The following SETD6 variants were observed in gnomAD, a reference collection of about 807,000 sequenced individuals.
The protein encoded by SETD6 is SET domain containing 6, protein lysine methyltransferase.
SETD6 carries 67 observed loss-of-function variants against 52.7 expected under a neutral mutation model. That is an observed-to-expected ratio of 1.27 (90% CI 1.04 to 1.56). SETD6 has a LOEUF of 1.56. SETD6 is among the 40% of genes most tolerant of loss of function. SETD6 has a pLI of 0.00. For synonymous variants in SETD6, 307 were observed against 250.2 expected (o/e 1.23, Z -2.14); for missense variants, 712 against 607.5 (o/e 1.17, Z -1.81).
chr16:58,516,602 G>C lies in SETD6; in HGVS notation c.601G>C (p.Asp201His), dbSNP rs746116272. The C allele has an allele frequency of 1.5e-5, 24 of 1,614,160 alleles. No individual in the cohort carries two copies. Among genetic ancestry groups the C allele is most frequent in the Non-Finnish European group, 2.0e-5 (24 of 1,180,024 alleles). ...GCTGCCCTTCATGGAAGCCCACCCC[G>C]ATCTCTTCAGCCTCAGGGTTCGCTC... ...IVLPFMEAHP[D>H]LFSLRVRSLE... The change falls in exon 4 of 8, where the codon GAT becomes CAT. Residue 201 changes from aspartate to histidine, a missense_variant. Asp to His is a moderately conservative substitution (Grantham distance 81, BLOSUM62 -1). Coordinates refer to ENST00000219315, the MANE Select transcript of SETD6 (RefSeq NM_001160305.4).
At position 58,518,937 on chromosome 16, in the gene SETD6, T is replaced by C. The variant is rs2039269040; in HGVS notation, c.1330T>C (p.Tyr444His). 6.2e-7 allele frequency: 1 copy of C among 1,614,096 alleles called. No homozygotes were observed. The highest frequency in any genetic ancestry group is 8.5e-7 in the Non-Finnish European group (1 of 1,180,044). The change falls in exon 8 of 8, where the codon TAT (tyrosine) becomes CAT (histidine). Residue 444 changes from tyrosine to histidine, a missense_variant. Transcript: ENST00000219315. ...DQGLLSNKEV[Y>H]AKLSWREQQA... ...AGGTTTACTCAGTAATAAGGAAGTCTATGCGAAACTCAGCTGGAGGGAACA... is the reference window on the plus strand; with the variant it reads ...AGGTTTACTCAGTAATAAGGAAGTCCATGCGAAACTCAGCTGGAGGGAACA...
rs145387142 is a variant in SETD6 at position 58,518,825 on chromosome 16, C to T, written c.1218C>T (p.Pro406=). The T allele has an allele frequency of 1.6e-5, 26 of 1,614,058 alleles. No homozygotes were observed. Among genetic ancestry groups the T allele is most frequent in the Non-Finnish European group, 2.1e-5 (25 of 1,180,050 alleles). The change falls in exon 8 of 8, where the codon CCC becomes CCT. Residue 406 remains proline, a synonymous_variant. Coordinates refer to ENST00000219315, the MANE Select transcript of SETD6 (RefSeq NM_001160305.4). ...EEGSLTITNI[P]KLKASWRQLL... is the part of the protein sequence containing the mutation. ...GCAGCCTGACGATCACAAATATTCC[C>T]AAGCTCAAAGCATCGTGGAGACAGC...
rs747832631 is a variant in SETD6, at chr16:58,519,003, C to G, written c.1396C>G (p.His466Asp). The G allele has an allele frequency of 6.2e-7, 1 of 1,612,828 alleles. No individual in the cohort carries two copies. The highest frequency in any genetic ancestry group is 8.5e-7 in the Non-Finnish European group (1 of 1,179,208). The change falls in exon 8 of 8, where the codon CAT (histidine) becomes GAT (aspartate). Residue 466 changes from histidine (H) to aspartate (D), a missense_variant. Physicochemically the swap from His to Asp is moderately conservative, Grantham distance 81 (BLOSUM62 -1). Transcript: ENST00000219315. ...QVRYGQKMIL[H>D]QLLELTS ...TCGCTATGGTCAGAAGATGATCTTACATCAGTTGTTGGAGCTGACAAGTTA... is the reference window on the plus strand; with the variant it reads ...TCGCTATGGTCAGAAGATGATCTTAGATCAGTTGTTGGAGCTGACAAGTTA...
rs1221464056 is a variant in SETD6 at position 58,515,542 on chromosome 16, C to G, written c.5C>G (p.Ala2Gly). M[A>G]TQAKRPRVAG... ...GAGGAAACGCGCTCTTAGACCATGG[C>G]GACCCAGGCGAAGCGTCCACGGGTG... The change falls in exon 1 of 8, where the codon GCG (alanine) becomes GGG (glycine). Residue 2 changes from alanine to glycine, a missense_variant. By Grantham distance (60) the Ala-to-Gly change is moderately conservative (BLOSUM62 0). Transcript: ENST00000219315. 1.3e-6 allele frequency: 2 copies of G among 1,587,730 alleles called. No individual in the cohort carries two copies. Among genetic ancestry groups the G allele is most frequent in the Non-Finnish European group, 1.7e-6 (2 of 1,171,466 alleles).
Position 58,518,172 on chromosome 16 carries a change from A to T in SETD6, c.914A>T (p.Asp305Val), listed in dbSNP as rs1398670312. The change falls in exon 6 of 8, where the codon GAC (aspartate) becomes GTC (valine). Residue 305 changes from aspartate (D) to valine (V), a missense_variant. Transcript: ENST00000219315. The part of the protein sequence containing the change: ...HMYGFVEPYP[D>V]NTDDTADIQM... ...TACGGTTTTGTTGAACCATATCCTG[A>T]CAACACAGATGACACAGCTGACATT... The T allele has an allele frequency of 5.6e-6, 9 of 1,614,228 alleles. No homozygotes were observed. The highest frequency in any genetic ancestry group is 6.8e-6 in the Non-Finnish European group (8 of 1,180,038).
In SETD6 at chr16:58,520,771, A is replaced by G. The variant is rs3200465; in HGVS notation, c.*1742A>G. On this transcript the variant is annotated 3_prime_UTR_variant, in exon 8 of 8. Transcript: ENST00000219315. ...CTAAATTTTGGCCAAGAGTCAAAAA[A>G]ATGCATTTAAACTTTGGAACGTGCC... is the stretch of plus-strand genomic sequence containing the variant. 2 of 605,312 alleles carry G rather than the reference A, an allele frequency of 3.3e-6. No individual in the cohort carries two copies. The highest frequency in any genetic ancestry group is 5.7e-6 in the Non-Finnish European group (2 of 348,100). 37.5% of individuals were successfully genotyped at this position (605,312 alleles called of 1,614,324 possible).
chr16:58,516,295 A>G lies in SETD6; in HGVS notation c.428A>G (p.Tyr143Cys), dbSNP rs371818985. The G allele has an allele frequency of 8.1e-6, 13 of 1,605,118 alleles. No individual in the cohort carries two copies. The highest frequency in any genetic ancestry group is 1.7e-5 in the Admixed American group (1 of 59,948). ...GCCCCGGCCTCACGCTGGAGGCCCT[A>G]CTTTGCGCTCTGGCCCGAGCTGGGC... ...LQAPASRWRP[Y>C]FALWPELGRL... The change falls in exon 3 of 8, where the codon TAC becomes TGC. Residue 143 changes from tyrosine to cysteine, a missense_variant. Tyr to Cys is a radical substitution (Grantham distance 194). Transcript: ENST00000219315.
At position 58,519,223 on chromosome 16, in the gene SETD6, G is replaced by C; in HGVS notation, c.*194G>C. 1 of 579,330 alleles carries C rather than the reference G, an allele frequency of 1.7e-6. No homozygotes were observed. The highest frequency in any genetic ancestry group is 3.0e-6 in the Non-Finnish European group (1 of 332,374). The allele number at this position is 579,330 out of a possible 1,614,324, so 35.9% of individuals were successfully genotyped here. A position where few individuals can be genotyped will look rare whatever the true frequency, so the allele number is the denominator to read the frequency against. On this transcript the variant is annotated 3_prime_UTR_variant, in exon 8 of 8. Transcript: ENST00000219315. ...TTTAGGATTGAGAACAGCAGACTTGGGAATCACTGCTAATTGTTACTTAAA... is the reference window on the plus strand; with the variant it reads ...TTTAGGATTGAGAACAGCAGACTTGCGAATCACTGCTAATTGTTACTTAAA...
Position 58,515,802 on chromosome 16 carries a change from C to G in SETD6, c.39C>G (p.Pro13=), listed in dbSNP as rs1386391242. The G allele has an allele frequency of 2.0e-6, 3 of 1,516,474 alleles. No individual in the cohort carries two copies. The allele number at this position is 1,516,474 out of a possible 1,614,324, so 93.9% of individuals were successfully genotyped here. A position where few individuals can be genotyped will look rare whatever the true frequency, so the allele number is the denominator to read the frequency against. ...CGCACTTATCTCAGGTGGCGGGGCC[C>G]GTGGACGGCGGCGACCTGGATCCTG... is the stretch of plus-strand genomic sequence containing the variant. ...TQAKRPRVAG[P]VDGGDLDPVA... The change falls in exon 2 of 8, where the codon CCC becomes CCG. Residue 13 remains proline, a synonymous_variant. Coordinates refer to ENST00000219315, the MANE Select transcript of SETD6 (RefSeq NM_001160305.4).
chr16:58,521,426 A>G lies in SETD6; in HGVS notation c.*2397A>G. On this transcript the variant is annotated 3_prime_UTR_variant, in exon 8 of 8. Transcript: ENST00000219315. ...TCCCTGACTATTGAACCACATGCAAAAGTTTTCACCTTTAGTAAAGACAGG... is the reference window on the plus strand; with the variant it reads ...TCCCTGACTATTGAACCACATGCAAGAGTTTTCACCTTTAGTAAAGACAGG... 8.9e-7 allele frequency: 1 copy of G among 1,124,412 alleles called. No individual in the cohort carries two copies. The highest frequency in any genetic ancestry group is 1.3e-6 in the Non-Finnish European group (1 of 789,418). 69.7% of individuals were successfully genotyped at this position (1,124,412 alleles called of 1,614,324 possible). A position where few individuals can be genotyped will look rare whatever the true frequency, so the allele number is the denominator to read the frequency against.
Position 58,518,061 on chromosome 16 carries a change from G to A in SETD6, c.803G>A (p.Arg268Gln), listed in dbSNP as rs1207691895. 5 of 1,614,000 alleles carry A rather than the reference G, an allele frequency of 3.1e-6. No homozygotes were observed. The highest frequency in any genetic ancestry group is 3.3e-5 in the Admixed American group (2 of 59,996). Residue 268 changes from arginine (R) to glutamine (Q), a missense_variant, in exon 6 of 8, where the codon CGG becomes CAG. Coordinates refer to ENST00000219315, the MANE Select transcript of SETD6 (RefSeq NM_001160305.4). ...ANLEYSANCLRMVATQPIPKG... is the reference protein window; with the variant it reads ...ANLEYSANCLQMVATQPIPKG... ...TCCCTTTCACCTCAGAATTGTCTTC[G>A]GATGGTAGCCACTCAGCCCATTCCT...
Position 58,515,517 on chromosome 16 carries a change from G to C in SETD6, c.-21G>C, listed in dbSNP as rs114296989. ...GTGACCGCGCGGTGCGCCGGCCCGC[G>C]AGGAAACGCGCTCTTAGACCATGGC... is the stretch of plus-strand genomic sequence containing the variant. On this transcript the variant is annotated 5_prime_UTR_variant, in exon 1 of 8. Transcript: ENST00000219315. 2.5e-6 allele frequency: 4 copies of C among 1,580,258 alleles called. No homozygotes were observed. Among genetic ancestry groups the C allele is most frequent in the Non-Finnish European group, 3.4e-6 (4 of 1,168,514 alleles).
chr16:58,516,995 C>T (rs1167050778), intron 5 of SETD6, 67 bp downstream of exon 5: 6 of 1,611,092 alleles, frequency 3.7e-6, no homozygotes, highest in Non-Finnish European at 4.2e-6. Context: ...AGGCTCCATT[C>T]TCTTACTAGT....
rs1181385490 is a variant in SETD6 at position 58,521,228 on chromosome 16, T to G, written c.*2199T>G. 1 of 1,614,174 alleles carries G rather than the reference T, an allele frequency of 6.2e-7. No homozygotes were observed. On this transcript the variant is annotated 3_prime_UTR_variant, in exon 8 of 8. Transcript: ENST00000219315. ...GTGTACAAATTCATGGTTCCAGAAC[T>G]TAAACGCTGGGTTTTTAATCAGCTC...
At chr16:58,518,573 T>C in intron 7 of SETD6, 30 bp downstream of exon 7, 5 of 1,590,996 alleles carry the variant, frequency 3.1e-6, no homozygotes, top group Non-Finnish European at 4.3e-6. Context: ...CATTTAATGC[T>C]GATAATCTAA....
upstream of SETD6, chr16:58,515,514 C>G: frequency 1.3e-6 from 2 of 1,577,964 alleles, no homozygotes; most frequent in East Asian, 2.4e-5. Context: ...TGCGCCGGCC[C>G]GCGAGGAAAC....
In SETD6 at chr16:58,522,582, C is replaced by T. The variant is rs1377765684; in HGVS notation, c.*3553C>T. Among the ~76,000 whole-genome samples the T allele has an allele frequency of 1.3e-5, 2 of 152,176 alleles. No homozygotes were observed. Among genetic ancestry groups the T allele is most frequent in the Admixed American group, 6.5e-5 (1 of 15,278 alleles). On this transcript the variant is annotated 3_prime_UTR_variant, in exon 8 of 8. Transcript: ENST00000219315. ...TGTGTGTGTGTGTGTATCACAATCT[C>T]TCTAATGCTATATGTAGTCTAGGCA...
intron 2 of SETD6, 27 bp downstream of exon 2, chr16:58,516,124 TGGGGC>T (rs751813435): frequency 0.017 from 6,810 of 410,446 alleles, 306 homozygotes; most frequent in African/African-American, 0.11. Context: ...GCTAGGGCCC[TGGGGC>T]GGGGCGGGGC....
chr16:58,516,251 G>A lies in SETD6; in HGVS notation c.384G>A (p.Ala128=), dbSNP rs376300489. 1.9e-4 allele frequency: 305 copies of A among 1,599,492 alleles called. No individual in the cohort carries two copies. The highest frequency in any genetic ancestry group is 2.3e-4 in the Non-Finnish European group (272 of 1,179,592). The change falls in exon 3 of 8, where the codon GCG becomes GCA. Residue 128 remains alanine (A), a synonymous_variant. Transcript: ENST00000219315. ...SQSGWVPLLL[A]LLHELQAPAS... ...CGGGCTGGGTGCCACTGCTGCTGGC[G>A]CTGCTCCACGAGCTGCAGGCCCCGG...
Sources: gnomAD v4.1 joint callset for allele counts (sites outside exome capture counted in the v4.1 genomes callset) on GRCh38, gnomAD v4.1.1 for gene constraint, MANE v1.5 for transcripts, NCBI Gene and HGNC (gene_info 2026-07-23, HGNC 2026-07-21) for gene names.